The following L3MBTL4 variants were observed in gnomAD, a reference collection of about 807,000 sequenced individuals.
L3MBTL4 encodes the protein lethal(3)malignant brain tumor-like protein 4.
Under a neutral mutation model 84.5 loss-of-function variants are expected in L3MBTL4, and 70 were observed. That is an observed-to-expected ratio of 0.83 (90% CI 0.68 to 1.01). The LOEUF (loss-of-function observed/expected upper bound fraction) is 1.01. Among genes scored for constraint, L3MBTL4 ranks in the 50% least tolerant of loss-of-function variants. The pLI, the probability that L3MBTL4 is intolerant of heterozygous loss-of-function variation, is 0.00. For synonymous variants in L3MBTL4, 274 were observed against 259.8 expected, an observed-to-expected ratio of 1.05 and a Z score of -0.52; for missense variants, 715 against 754.8, an observed-to-expected ratio of 0.95 and a Z score of 0.62.
chr18:6,275,120 T>C (rs948376915), intron 4 of L3MBTL4, among the ~76,000 whole-genome samples: 6 of 152,034 alleles, frequency 3.9e-5, no homozygotes, highest in African/African-American at 1.2e-4. Context: ...CTAGTGCCCA[T>C]CAGTGTGCAG....
At chr18:5,976,319 T>C (rs1339670602) in intron 16 of L3MBTL4, among the ~76,000 whole-genome samples, 2 of 152,256 alleles carry the variant, frequency 1.3e-5, no homozygotes, top group Non-Finnish European at 2.9e-5. Flanking sequence ...AAACTAATTT[T>C]ACTTGTTTCT....
At chr18:5,965,150 G>A (rs115882362) in intron 17 of L3MBTL4, among the ~76,000 whole-genome samples, 2,200 of 152,202 alleles carry the variant, frequency 0.014, 54 homozygotes, top group African/African-American at 0.047. Context: ...CTCTCATCTC[G>A]TCTGGTCTTT....
chr18:6,039,563 T>C (rs2056307121), intron 16 of L3MBTL4, among the ~76,000 whole-genome samples: 2 of 152,006 alleles, frequency 1.3e-5, no homozygotes, highest in Middle Eastern at 6.8e-3. Flanking sequence ...TTTGGAGTTG[T>C]GCAGATTCTC....
intron 14 of L3MBTL4, among the ~76,000 whole-genome samples, chr18:6,118,993 C>CTTTTTTTTTTTTTTTGTTTT (rs2059442826): frequency 1.2e-5 from 1 of 83,712 alleles, no homozygotes; most frequent in African/African-American, 4.7e-5. Flanking sequence ...TTTTTGGTTT[C>CTTTTTTTTTTTTTTTGTTTT]TTTTTTTTTT....
chr18:6,288,364 C>A (rs1021747240), intron 4 of L3MBTL4, among the ~76,000 whole-genome samples: 1 of 151,914 alleles, frequency 6.6e-6, no homozygotes, highest in Non-Finnish European at 1.5e-5. Flanking sequence ...GCTAACTAAC[C>A]CAAATGTTTA....
chr18:6,324,202 G>C (rs1457296534), intron 1 of L3MBTL4, among the ~76,000 whole-genome samples: 1 of 152,226 alleles, frequency 6.6e-6, no homozygotes, highest in Non-Finnish European at 1.5e-5. Flanking sequence ...GAAAAGCCTA[G>C]ACATTCAGGC....
intron 1 of L3MBTL4, among the ~76,000 whole-genome samples, chr18:6,398,744 G>T (rs979715884): frequency 1.3e-5 from 2 of 150,182 alleles, no homozygotes; most frequent in Non-Finnish European, 3.0e-5. Context: ...ACTTCATTGC[G>T]GGGGGGCGGG....
chr18:6,347,134 A>C (rs2052947189), intron 1 of L3MBTL4, among the ~76,000 whole-genome samples: 1 of 152,076 alleles, frequency 6.6e-6, no homozygotes, highest in African/African-American at 2.4e-5. Context: ...AAATTTGCAG[A>C]AACAGAGGGT....
At chr18:6,372,943 A>C (rs1304839768) in intron 1 of L3MBTL4, among the ~76,000 whole-genome samples, 2 of 152,232 alleles carry the variant, frequency 1.3e-5, no homozygotes, top group Non-Finnish European at 2.9e-5. Flanking sequence ...GCAAGATGAC[A>C]ATCAATGGTT....
chr18:6,376,430 T>G (rs954485536), intron 1 of L3MBTL4, among the ~76,000 whole-genome samples: 32 of 152,220 alleles, frequency 2.1e-4, no homozygotes, highest in Admixed American at 6.5e-4. Flanking sequence ...GTCTATCCTA[T>G]CTACAGGGTA....
At chr18:6,283,132 G>T (rs1229052931) in intron 4 of L3MBTL4, among the ~76,000 whole-genome samples, 2 of 152,138 alleles carry the variant, frequency 1.3e-5, no homozygotes, top group Non-Finnish European at 2.9e-5. Context: ...CATGCTTTCT[G>T]AAAGTTTGTA....
intron 16 of L3MBTL4, chr18:6,017,978 T>A (rs1054453856): frequency 6.6e-6 from 1 of 152,180 alleles, no homozygotes; most frequent in African/African-American, 2.4e-5. Context: ...GCACATCCTA[T>A]CCCAGCCCCA....
chr18:6,103,689 A>T (rs1225884292), intron 14 of L3MBTL4, among the ~76,000 whole-genome samples: 1 of 152,214 alleles, frequency 6.6e-6, no homozygotes, highest in East Asian at 1.9e-4. Context: ...ATGCATGAGA[A>T]TATGTTTACA....
intron 13 of L3MBTL4, among the ~76,000 whole-genome samples, chr18:6,152,980 T>A (rs185971149): frequency 3.3e-5 from 5 of 152,344 alleles, no homozygotes; most frequent in South Asian, 4.1e-4. Context: ...GAACCACTTA[T>A]TAAAGAGATT....
At chr18:6,069,878 C>T (rs1442930009) in intron 16 of L3MBTL4, among the ~76,000 whole-genome samples, 1 of 152,084 alleles carries the variant, frequency 6.6e-6, no homozygotes, top group East Asian at 1.9e-4. Context: ...TAAAATCATA[C>T]ATAGGTAAAT....
chr18:5,955,968 A>T lies in L3MBTL4; in HGVS notation c.*252T>A. The T allele has an allele frequency of 2.6e-6, 1 of 384,764 alleles. No individual in the cohort carries two copies. Among genetic ancestry groups the T allele is most frequent in the African/African-American group, 2.1e-5 (1 of 48,676 alleles). The allele number at this position is 384,764 out of a possible 1,614,324, so 23.8% of individuals were successfully genotyped here. A position where few individuals can be genotyped will look rare whatever the true frequency, so the allele number is the denominator to read the frequency against. ...CTTTGGTCTGTCTTGCAAACAAATC[A>T]GAGCTGAGCGGATCCCACCAAAGAT... On this transcript the variant is annotated 3_prime_UTR_variant, in exon 19 of 19. Transcript: ENST00000317931.
chr18:5,968,301 G>GA, intron 17 of L3MBTL4, among the ~76,000 whole-genome samples: 1 of 152,272 alleles, frequency 6.6e-6, no homozygotes, highest in Non-Finnish European at 1.5e-5. Flanking sequence ...TTATCCAAAG[G>GA]AATTACAGGT....
intron 8 of L3MBTL4, among the ~76,000 whole-genome samples, chr18:6,240,187 T>A (rs2029961751): frequency 6.6e-6 from 1 of 152,172 alleles, no homozygotes; most frequent in Admixed American, 6.5e-5. Flanking sequence ...TAAAATATGA[T>A]GTTTACTGAA....
At chr18:6,316,276 C>T (rs532049015) in intron 1 of L3MBTL4, among the ~76,000 whole-genome samples, 1 of 152,312 alleles carries the variant, frequency 6.6e-6, no homozygotes. Context: ...GGGGTGGCTA[C>T]ACCCAGAGGA....
Sources: allele counts gnomAD v4.1 joint callset (sites outside exome capture counted in the v4.1 genomes callset), GRCh38; gene constraint gnomAD v4.1.1; transcripts MANE v1.5; gene names NCBI Gene and HGNC (gene_info 2026-07-23, HGNC 2026-07-21).